CHD6: variants seen among roughly 807,000 people sequenced by gnomAD.
CHD6 encodes the protein ATP-dependent chromatin remodeler CHD6.
In CHD6, 50 loss-of-function variants were observed where a neutral mutation model predicts 276.9. The ratio of observed to expected loss-of-function variants is 0.18; its 90% CI spans 0.14 to 0.23. The LOEUF (loss-of-function observed/expected upper bound fraction) is 0.23, where lower values mean the gene tolerates loss of function less well. Among genes scored for constraint, CHD6 ranks in the 10% least tolerant of loss-of-function variants. The pLI is 1.00. For missense variants in CHD6, 2,564 were observed against 3,365.8 expected, an observed-to-expected ratio of 0.76 and a Z score of 5.89; for synonymous variants, 1,173 against 1,229.3, an observed-to-expected ratio of 0.95 and a Z score of 0.96.
chr20:41,582,034 T>A (rs948791984), intron 1 of CHD6, among the ~76,000 whole-genome samples: 1 of 152,204 alleles, frequency 6.6e-6, no homozygotes, highest in Non-Finnish European at 1.5e-5. Flanking sequence ...CACAGTTGAC[T>A]GTGGAAACAC....
At chr20:41,556,749 G>A (rs1390467416) in intron 1 of CHD6, among the ~76,000 whole-genome samples, 3 of 152,110 alleles carry the variant, frequency 2.0e-5, no homozygotes, top group Non-Finnish European at 4.4e-5. Flanking sequence ...GATAACAAAC[G>A]TCATCAACAT....
At chr20:41,603,804 G>C (rs2045798170) in intron 1 of CHD6, among the ~76,000 whole-genome samples, 1 of 152,138 alleles carries the variant, frequency 6.6e-6, no homozygotes, top group Non-Finnish European at 1.5e-5. Flanking sequence ...GGGAAGCAGA[G>C]GCTGCAGTGA....
chr20:41,489,377 C>T (rs1242089510), intron 12 of CHD6, among the ~76,000 whole-genome samples: 2 of 142,884 alleles, frequency 1.4e-5, no homozygotes, highest in African/African-American at 5.0e-5. Context: ...TCTCTTTATC[C>T]TTCTCTGTCA....
At chr20:41,582,579 C>T (rs970499587) in intron 1 of CHD6, among the ~76,000 whole-genome samples, 2 of 151,960 alleles carry the variant, frequency 1.3e-5, no homozygotes, top group Non-Finnish European at 2.9e-5. Context: ...GTCCACCAGT[C>T]GATCAAAAAC....
chr20:41,533,028 G>A, intron 3 of CHD6, 22 bp downstream of exon 3: 1 of 1,560,126 alleles, frequency 6.4e-7, no homozygotes, highest in Non-Finnish European at 8.6e-7. Context: ...CAAGTGCTCA[G>A]AGAAGGGAGA....
intron 1 of CHD6, among the ~76,000 whole-genome samples, chr20:41,593,266 G>A (rs1309945354): frequency 6.6e-6 from 1 of 151,362 alleles, no homozygotes; most frequent in Non-Finnish European, 1.5e-5. Flanking sequence ...TAAATTCAGA[G>A]TTATAAAAGT....
intron 17 of CHD6, among the ~76,000 whole-genome samples, chr20:41,460,557 T>A (rs987607989): frequency 6.6e-6 from 1 of 152,216 alleles, no homozygotes; most frequent in African/African-American, 2.4e-5. Context: ...AATGTACAGC[T>A]CAGGCTGTGG....
At chr20:41,422,438 A>G (rs934333786) in intron 30 of CHD6, among the ~76,000 whole-genome samples, 1 of 152,104 alleles carries the variant, frequency 6.6e-6, no homozygotes, top group African/African-American at 2.4e-5. Flanking sequence ...CAGGAGTTCA[A>G]GACCAGCCCG....
intron 2 of CHD6, among the ~76,000 whole-genome samples, chr20:41,544,421 A>T (rs2045001525): frequency 6.6e-6 from 1 of 152,146 alleles, no homozygotes; most frequent in Non-Finnish European, 1.5e-5. Flanking sequence ...CAATTCCATT[A>T]GTTGTTTTTA....
intron 3 of CHD6, among the ~76,000 whole-genome samples, chr20:41,528,813 T>C (rs1457634256): frequency 1.3e-5 from 2 of 152,344 alleles, no homozygotes; most frequent in Non-Finnish European, 2.9e-5. Flanking sequence ...TGCTAGACTC[T>C]ACCTATCACC....
At chr20:41,606,683 A>AAC (rs1204722426) in intron 1 of CHD6, among the ~76,000 whole-genome samples, 4 of 151,880 alleles carry the variant, frequency 2.6e-5, no homozygotes, top group African/African-American at 7.3e-5. Context: ...TCAAAAAAAA[A>AAC]AAAAAACTTA....
chr20:41,407,119 G>A (rs1178464399), intron 36 of CHD6, among the ~76,000 whole-genome samples: 1 of 152,224 alleles, frequency 6.6e-6, no homozygotes, highest in African/African-American at 2.4e-5. Flanking sequence ...AGACAGGAGA[G>A]CTCAACAGTG....
At chr20:41,574,229 T>C (rs2045449225) in intron 1 of CHD6, among the ~76,000 whole-genome samples, 1 of 152,164 alleles carries the variant, frequency 6.6e-6, no homozygotes, top group Non-Finnish European at 1.5e-5. Flanking sequence ...TGTACTTCTT[T>C]GTATGTTATT....
At chr20:41,505,095 G>A (rs1053682650) in intron 5 of CHD6, among the ~76,000 whole-genome samples, 12 of 152,134 alleles carry the variant, frequency 7.9e-5, no homozygotes, top group Non-Finnish European at 1.5e-4. Context: ...CTGAGAGATT[G>A]GCAGGTCTTT....
Position 41,514,834 on chromosome 20 carries a change from C to G in CHD6, c.673G>C (p.Glu225Gln). 3 of 1,614,022 alleles carry G rather than the reference C, an allele frequency of 1.9e-6. No homozygotes were observed. Among genetic ancestry groups the G allele is most frequent in the Non-Finnish European group, 2.5e-6 (3 of 1,179,942 alleles). Residue 225 changes from glutamate (E) to glutamine (Q), a missense_variant, in exon 4 of 37, where the codon GAG becomes CAG. By Grantham distance (29) the Glu-to-Gln change is conservative (BLOSUM62 2). Coordinates refer to ENST00000373233, the MANE Select transcript of CHD6 (RefSeq NM_032221.5). ...GLTNPSLRSP[E>Q]ESTESTDSQK... ...CTGTCTGTAGACTCAGTGGACTCCT[C>G]AGGACTCCGCAGAGATGGGTTCGTC...
chr20:41,421,547 T>C lies in CHD6; in HGVS notation c.5088A>G (p.Glu1696=). 6.2e-7 allele frequency: 1 copy of C among 1,612,672 alleles called. No homozygotes were observed. The highest frequency in any genetic ancestry group is 8.5e-7 in the Non-Finnish European group (1 of 1,179,404). Residue 1696 remains glutamate, a synonymous_variant, in exon 31 of 37, where the codon GAA becomes GAG. Coordinates refer to ENST00000373233, the MANE Select transcript of CHD6 (RefSeq NM_032221.5). ...TCTCTAAGGACTCAGGCAGCAGACT[T>C]TCATCATGGTTGATGGAAATGACAT... ...VQDVISINHD[E]SLLPESLESM...
rs570068140 is a variant in CHD6, at chr20:41,510,394, A to G, written c.852+2452T>C. 1.4e-4 allele frequency among the ~76,000 whole-genome samples: 21 copies of G among 152,318 alleles called. No homozygotes were observed. The South Asian group carries it at 1.7e-3, about 12-fold the overall frequency. On this transcript the variant is annotated intron_variant, in intron 5 of 36. Coordinates refer to ENST00000373233, the MANE Select transcript of CHD6 (RefSeq NM_032221.5). ...AATCACTCGGTAAGCCGATCTCTCC[A>G]GTCCCCTCACTGGTTGTGTAGCCTG...
rs1339638199 is a variant in CHD6, at chr20:41,452,487, C to G, written c.3323+253G>C. Among the ~76,000 whole-genome samples, 3 of 152,162 alleles carry G rather than the reference C, an allele frequency of 2.0e-5. No homozygotes were observed. On this transcript the variant is annotated intron_variant, in intron 21 of 36. Coordinates refer to ENST00000373233, the MANE Select transcript of CHD6 (RefSeq NM_032221.5). This position sits in a 1 kb window ranked among gnomAD's most constrained non-coding sequence, Gnocchi z 4.2. ...GAAGCAGGAAATCAGTACCAGACAG[C>G]AAATTAGGACCAGAGATTTGTTGTG...
chr20:41,504,974 T>A (rs752862718), intron 5 of CHD6, among the ~76,000 whole-genome samples: 12 of 152,170 alleles, frequency 7.9e-5, no homozygotes, highest in Non-Finnish European at 1.8e-4. Flanking sequence ...GAGGGGGTGG[T>A]CCCTTTGATC....
Sources: gnomAD v4.1 joint callset for allele counts (sites outside exome capture counted in the v4.1 genomes callset) on GRCh38, gnomAD v4.1.1 for gene constraint, Gnocchi (gnomAD v3.1) non-coding constraint, MANE v1.5 for transcripts, NCBI Gene and HGNC (gene_info 2026-07-23, HGNC 2026-07-21) for gene names.